ENTPD6: variants seen among roughly 807,000 people sequenced by gnomAD.
The protein encoded by ENTPD6 is CD39 antigen-like 2.
Under a neutral mutation model 61.5 loss-of-function variants are expected in ENTPD6, and 46 were observed. That is an observed-to-expected ratio of 0.75 (90% CI 0.59 to 0.96). The LOEUF is 0.96. ENTPD6 is among the 40% of genes least tolerant of loss of function. ENTPD6 has a pLI of 0.00. For synonymous variants in ENTPD6, 252 were observed against 255.5 expected (o/e 0.99, Z 0.13); for missense variants, 612 against 629.0 (o/e 0.97, Z 0.29).
chr20:25,211,967 C>T (rs2091995522), intron 4 of ENTPD6, among the ~76,000 whole-genome samples: 1 of 152,128 alleles, frequency 6.6e-6, no homozygotes, highest in African/African-American at 2.4e-5. Context: ...CACCGCAATG[C>T]CCAGCTAATG....
At chr20:25,207,602 A>ATG (rs1253769625) in intron 3 of ENTPD6, among the ~76,000 whole-genome samples, 15 of 152,200 alleles carry the variant, frequency 9.9e-5, no homozygotes, top group African/African-American at 3.6e-4. Flanking sequence ...ACCATGCTGA[A>ATG]GGGCAGCTGA....
chr20:25,208,806 C>G (rs949000659), intron 3 of ENTPD6, among the ~76,000 whole-genome samples: 9 of 152,228 alleles, frequency 5.9e-5, no homozygotes, highest in Non-Finnish European at 1.0e-4. Context: ...GTCACTTATC[C>G]TATTCCGCTG....
chr20:25,224,131 G>A lies in ENTPD6; in HGVS notation c.1217G>A (p.Gly406Glu), dbSNP rs762382777. ...GAGAAGGGAGGCAGCCTGGTGGTGG[G>A]GGACTTCGAGATCGCAGCCAAGTAC... The part of the protein sequence containing the change: ...DAEKGGSLVV[G>E]DFEIAAKYVC... Residue 406 changes from glycine (G) to glutamate (E), a missense_variant, in exon 13 of 15, where the codon GGG (glycine) becomes GAG (glutamate). By Grantham distance (98) the Gly-to-Glu change is moderately conservative. Coordinates refer to ENST00000376652, the MANE Select transcript of ENTPD6 (RefSeq NM_001247.5). 1.9e-6 allele frequency: 3 copies of A among 1,612,322 alleles called. No individual in the cohort carries two copies. The highest frequency in any genetic ancestry group is 1.7e-6 in the Non-Finnish European group (2 of 1,179,308).
chr20:25,205,218 A>G (rs1200904514), intron 1 of ENTPD6, among the ~76,000 whole-genome samples: 2 of 152,176 alleles, frequency 1.3e-5, no homozygotes, highest in African/African-American at 2.4e-5. Flanking sequence ...AATCAGGTCT[A>G]TGAATACTGG....
chr20:25,225,631 C>G lies in ENTPD6; in HGVS notation c.*34C>G. ...CCATCCCTGTCCCCGTCAGCAGTGT[C>G]TGTGTGTCTGCATAAACCCTCCTGT... is the stretch of plus-strand genomic sequence containing the variant. On this transcript the variant is annotated 3_prime_UTR_variant, in exon 15 of 15. Coordinates refer to ENST00000376652, the MANE Select transcript of ENTPD6 (RefSeq NM_001247.5). 1.3e-6 allele frequency: 2 copies of G among 1,560,822 alleles called. No homozygotes were observed. The highest frequency in any genetic ancestry group is 2.7e-5 in the African/African-American group (2 of 73,822).
At chr20:25,211,565 G>A (rs1600582339) in intron 4 of ENTPD6, among the ~76,000 whole-genome samples, 5 of 152,308 alleles carry the variant, frequency 3.3e-5, no homozygotes, top group Admixed American at 2.6e-4. Flanking sequence ...TGTCCACACC[G>A]AGGCCTTTGG....
intron 1 of ENTPD6, among the ~76,000 whole-genome samples, chr20:25,196,701 T>C (rs1456159306): frequency 6.6e-6 from 1 of 152,086 alleles, no homozygotes; most frequent in African/African-American, 2.4e-5. Context: ...ATCTGAAACC[T>C]CGCGCAGGAG....
chr20:25,225,297 C>A lies in ENTPD6; in HGVS notation c.1336C>A (p.Pro446Thr). ...VSLLLQEFGFPRSKVLKLTRK... is the reference protein window; with the variant it reads ...VSLLLQEFGFTRSKVLKLTRK... The stretch of plus-strand genomic sequence containing the variant: ...CCTGCTACTCCAGGAGTTCGGCTTT[C>A]CCAGGAGCAAAGTGCTGAAGGTAAG... The change falls in exon 14 of 15, where the codon CCC (proline) becomes ACC (threonine). Residue 446 changes from proline to threonine, a missense_variant. Coordinates refer to ENST00000376652, the MANE Select transcript of ENTPD6 (RefSeq NM_001247.5). 6.2e-7 allele frequency: 1 copy of A among 1,613,184 alleles called. No individual in the cohort carries two copies. Among genetic ancestry groups the A allele is most frequent in the Non-Finnish European group, 8.5e-7 (1 of 1,179,942 alleles).
chr20:25,198,774 C>T (rs2090760404), intron 1 of ENTPD6, among the ~76,000 whole-genome samples: 1 of 152,190 alleles, frequency 6.6e-6, no homozygotes, highest in African/African-American at 2.4e-5. Flanking sequence ...CCTTAATGTG[C>T]ATCATTCCCA....
intron 1 of ENTPD6, among the ~76,000 whole-genome samples, chr20:25,206,295 C>A (rs946961248): frequency 6.6e-6 from 1 of 152,248 alleles, no homozygotes; most frequent in Non-Finnish European, 1.5e-5. Flanking sequence ...GGCTGATGGA[C>A]GTTCCCCAAG....
At chr20:25,211,210 G>T (rs368249976) in intron 4 of ENTPD6, among the ~76,000 whole-genome samples, 13 of 152,306 alleles carry the variant, frequency 8.5e-5, no homozygotes, top group African/African-American at 3.1e-4. Flanking sequence ...ACGTGTCATG[G>T]TCTCAGACAA....
At chr20:25,223,926 C>G (rs1349277688) in intron 12 of ENTPD6, 175 bp from the exon 13 acceptor site, 1 of 502,560 alleles carries the variant, frequency 2.0e-6, no homozygotes, top group African/African-American at 2.0e-5. Context: ...CACACCACAT[C>G]ACCCAGAAGC....
At chr20:25,197,075 G>A (rs952722180) in intron 1 of ENTPD6, 5 of 985,316 alleles carry the variant, frequency 5.1e-6, no homozygotes, top group Non-Finnish European at 4.8e-6. Context: ...ATGAGTGGAA[G>A]TTTCTAATGT....
chr20:25,209,928 A>C lies in ENTPD6; in HGVS notation c.453+3A>C. ...CCTATGCTGATGATGTTGAAAAGGT[A>C]AGGATCCTCTCCCGTGTCTCCCTGT... On this transcript the variant is annotated splice_donor_region_variant and intron_variant, in intron 4 of 14. Coordinates refer to ENST00000376652, the MANE Select transcript of ENTPD6 (RefSeq NM_001247.5). 6.2e-7 allele frequency: 1 copy of C among 1,612,938 alleles called. No individual in the cohort carries two copies.
intron 3 of ENTPD6, 117 bp from the exon 4 acceptor site, chr20:25,209,732 C>T: frequency 1.2e-6 from 1 of 806,798 alleles, no homozygotes; most frequent in Non-Finnish European, 2.1e-6. Flanking sequence ...GGGCCCCTGC[C>T]ACTTGGGGAT....
At chr20:25,214,082 C>T (rs745424466) in intron 5 of ENTPD6, among the ~76,000 whole-genome samples, 2 of 152,116 alleles carry the variant, frequency 1.3e-5, no homozygotes, top group African/African-American at 2.4e-5. Context: ...GCTCCTGGTC[C>T]GATGCTCAGA....
chr20:25,213,760 G>A (rs6115090), intron 5 of ENTPD6, among the ~76,000 whole-genome samples: 1 of 152,144 alleles, frequency 6.6e-6, no homozygotes. Flanking sequence ...GGCCAGCCTG[G>A]CCAACATAGC....
At chr20:25,203,520 T>C (rs538519180) in intron 1 of ENTPD6, among the ~76,000 whole-genome samples, 43 of 152,358 alleles carry the variant, frequency 2.8e-4, no homozygotes, top group Admixed American at 2.5e-3. Context: ...TGCTGATTCT[T>C]CTACCGACTC....
chr20:25,204,542 T>C (rs2091306267), intron 1 of ENTPD6, among the ~76,000 whole-genome samples: 1 of 152,180 alleles, frequency 6.6e-6, no homozygotes, highest in Non-Finnish European at 1.5e-5. Flanking sequence ...GATGTTCTAC[T>C]GTATTTCTCA....
Sources: allele counts gnomAD v4.1 joint callset (sites outside exome capture counted in the v4.1 genomes callset), GRCh38; gene constraint gnomAD v4.1.1; transcripts MANE v1.5; gene names NCBI Gene and HGNC (gene_info 2026-07-23, HGNC 2026-07-21).